GRIN2A: variants seen among roughly 807,000 people sequenced by gnomAD.
GRIN2A encodes glutamate receptor ionotropic, NMDA 2A.
GRIN2A carries 22 observed loss-of-function variants against 113.4 expected under a neutral mutation model. That is an observed-to-expected ratio of 0.19 (90% CI 0.14 to 0.28). The LOEUF is 0.28. Ranked by LOEUF, GRIN2A falls within the 10% of genes least tolerant of loss-of-function variation. The pLI is 1.00. For synonymous variants in GRIN2A, 827 were observed against 738.4 expected (o/e 1.12, Z -1.94); for missense variants, 1,502 against 1,887.0 (o/e 0.80, Z 3.78).
intron 2 of GRIN2A, among the ~76,000 whole-genome samples, chr16:10,082,379 G>C (rs966007870): frequency 2.0e-5 from 3 of 152,210 alleles, no homozygotes; most frequent in African/African-American, 7.2e-5. Context: ...AAAATTCTAA[G>C]ATGACCACCA....
At chr16:10,009,512 C>T (rs560633521) in intron 2 of GRIN2A, among the ~76,000 whole-genome samples, 4 of 152,104 alleles carry the variant, frequency 2.6e-5, no homozygotes, top group Admixed American at 1.3e-4. Context: ...CGGCTCAATT[C>T]CCAAGGACGG....
At chr16:9,981,103 G>A (rs1179099713) in intron 2 of GRIN2A, among the ~76,000 whole-genome samples, 2 of 151,668 alleles carry the variant, frequency 1.3e-5, no homozygotes, top group African/African-American at 2.4e-5. Flanking sequence ...AAAAAAGCAG[G>A]CCTGGGCTAA....
intron 2 of GRIN2A, among the ~76,000 whole-genome samples, chr16:10,082,507 G>A (rs1398193313): frequency 6.6e-6 from 1 of 152,216 alleles, no homozygotes; most frequent in African/African-American, 2.4e-5. Context: ...AGATTTTGAA[G>A]ATATCATTAA....
chr16:9,809,587 T>C (rs1207162574), intron 10 of GRIN2A, among the ~76,000 whole-genome samples: 1 of 151,928 alleles, frequency 6.6e-6, no homozygotes, highest in Non-Finnish European at 1.5e-5. Context: ...CATTTTTTAA[T>C]GAGAAGCAAT....
intron 11 of GRIN2A, among the ~76,000 whole-genome samples, chr16:9,778,065 A>G (rs1048828607): frequency 6.6e-6 from 1 of 152,190 alleles, no homozygotes; most frequent in Non-Finnish European, 1.5e-5. Flanking sequence ...AACTGTCTCA[A>G]AAACAACAAC....
intron 3 of GRIN2A, among the ~76,000 whole-genome samples, chr16:9,915,352 A>C (rs73502655): frequency 0.041 from 6,250 of 152,220 alleles, 416 homozygotes; most frequent in African/African-American, 0.14. Context: ...AATCAAGTCC[A>C]CCACCCTTAA....
intron 2 of GRIN2A, among the ~76,000 whole-genome samples, chr16:10,108,789 T>C (rs1818889817): frequency 2.0e-5 from 3 of 152,194 alleles, no homozygotes; most frequent in African/African-American, 7.2e-5. Flanking sequence ...ATTACTATTC[T>C]GCAGTATCTG....
rs373165675 is a variant in GRIN2A at position 9,861,365 on chromosome 16, G to A, written c.1123-11404C>T. 3.9e-4 allele frequency among the ~76,000 whole-genome samples: 60 copies of A among 152,276 alleles called. No individual in the cohort carries two copies. In the East Asian group the frequency reaches 5.2e-3, roughly 13 times the overall value. ...GCCAAAGGACATGAGATAAATGGCCGTGAAGGAAATTTAAAATGATTTAGT... is the reference window on the plus strand; with the variant it reads ...GCCAAAGGACATGAGATAAATGGCCATGAAGGAAATTTAAAATGATTTAGT... On this transcript the variant is annotated intron_variant, in intron 4 of 12. Transcript: ENST00000330684.
In GRIN2A at chr16:9,780,994, C is replaced by CTT. The variant is rs5815547; in HGVS notation, c.2357-11907_2357-11906dup. On this transcript the variant is annotated intron_variant, in intron 11 of 12. Transcript: ENST00000330684. ...ATTGTTTAAGCCAGAGGTCACTAAT[C>CTT]TTTTTTTTTTTTTATGGTAAACGGC... 1.4e-3 allele frequency among the ~76,000 whole-genome samples: 206 copies of CTT among 145,320 alleles called. 1 individual carries two copies. Among genetic ancestry groups the CTT allele is most frequent in the South Asian group, 8.3e-3 (38 of 4,588 alleles).
At chr16:10,041,830 T>A (rs1381672706) in intron 2 of GRIN2A, among the ~76,000 whole-genome samples, 3 of 152,210 alleles carry the variant, frequency 2.0e-5, no homozygotes, top group African/African-American at 7.2e-5. Context: ...CTCAGTGAAG[T>A]CTTTCCATGA....
chr16:10,130,055 T>C (rs1025247045), intron 2 of GRIN2A, among the ~76,000 whole-genome samples: 1 of 152,142 alleles, frequency 6.6e-6, no homozygotes, highest in African/African-American at 2.4e-5. Context: ...AACAGCTAGA[T>C]GGAAAATGAG....
intron 3 of GRIN2A, among the ~76,000 whole-genome samples, chr16:9,934,949 C>A (rs1382475428): frequency 6.6e-6 from 1 of 151,944 alleles, no homozygotes; most frequent in African/African-American, 2.4e-5. Context: ...TGGCGACTTA[C>A]CACGCTTGAT....
intron 2 of GRIN2A, among the ~76,000 whole-genome samples, chr16:10,038,765 G>C (rs1029839018): frequency 6.6e-6 from 1 of 151,296 alleles, no homozygotes; most frequent in Non-Finnish European, 1.5e-5. Context: ...GGACAATCAC[G>C]TGAACCCAGG....
At chr16:10,120,422 C>G (rs1438145320) in intron 2 of GRIN2A, among the ~76,000 whole-genome samples, 1 of 152,182 alleles carries the variant, frequency 6.6e-6, no homozygotes, top group Non-Finnish European at 1.5e-5. Flanking sequence ...CCCAACTTGA[C>G]CAATTAATCA....
intron 2 of GRIN2A, among the ~76,000 whole-genome samples, chr16:10,067,099 G>C (rs1003866926): frequency 1.3e-5 from 2 of 152,142 alleles, no homozygotes; most frequent in African/African-American, 4.8e-5. Context: ...TTTTTCTCTA[G>C]CAAATTCCCT....
intron 2 of GRIN2A, among the ~76,000 whole-genome samples, chr16:10,167,929 T>C (rs1436526860): frequency 1.3e-5 from 2 of 152,162 alleles, no homozygotes; most frequent in Non-Finnish European, 2.9e-5. Context: ...TGCAGGAGAA[T>C]ACAACTGACT....
intron 2 of GRIN2A, among the ~76,000 whole-genome samples, chr16:10,176,612 C>T (rs957612284): frequency 4.0e-5 from 6 of 149,390 alleles, no homozygotes; most frequent in South Asian, 2.1e-4. Context: ...AAAAACCAAA[C>T]ACCGCATGTT....
At chr16:10,025,610 C>A (rs76696790) in intron 2 of GRIN2A, among the ~76,000 whole-genome samples, 16 of 152,150 alleles carry the variant, frequency 1.1e-4, no homozygotes, top group African/African-American at 3.6e-4. Context: ...CACAGCAGAA[C>A]CTTTGAGATA....
At chr16:10,155,684 C>T (rs1567338025) in intron 2 of GRIN2A, among the ~76,000 whole-genome samples, 2 of 152,082 alleles carry the variant, frequency 1.3e-5, no homozygotes, top group Non-Finnish European at 1.5e-5. Flanking sequence ...GTTTAATGGA[C>T]TCACAGTTCC....
Sources: allele counts gnomAD v4.1 joint callset (sites outside exome capture counted in the v4.1 genomes callset), GRCh38; gene constraint gnomAD v4.1.1; transcripts MANE v1.5; gene names NCBI Gene and HGNC (gene_info 2026-07-23, HGNC 2026-07-21).